Variants in GALNT11 observed in about 807,000 individuals in gnomAD.
GALNT11 encodes the protein polypeptide N-acetylgalactosaminyltransferase 11, also known as UDP-GalNAc:polypeptide N-acetylgalactosaminyltransferase 11.
GALNT11 carries 47 observed loss-of-function variants against 72.7 expected under a neutral mutation model. That is an observed-to-expected ratio of 0.65 (90% CI 0.51 to 0.82). The LOEUF (loss-of-function observed/expected upper bound fraction) is 0.82. Ranked by LOEUF, GALNT11 falls within the 40% of genes least tolerant of loss-of-function variation. GALNT11 has a pLI of 0.00. For synonymous variants in GALNT11, 270 were observed against 286.6 expected (o/e 0.94, Z 0.58); for missense variants, 677 against 778.4 (o/e 0.87, Z 1.55).
intron 1 of GALNT11, among the ~76,000 whole-genome samples, chr7:152,031,206 G>T (rs970783805): frequency 2.0e-5 from 3 of 152,218 alleles, no homozygotes; most frequent in African/African-American, 7.2e-5. Flanking sequence ...ACTAACTATG[G>T]CATAACCTGC....
In GALNT11 at chr7:152,107,838, A is replaced by G. The variant is rs755233009; in HGVS notation, c.713-200A>G. 3.8e-4 allele frequency: 216 copies of G among 565,960 alleles called. 2 individuals are homozygous for G. The highest frequency in any genetic ancestry group is 8.8e-5 in the Non-Finnish European group (28 of 318,172). 35.1% of individuals were successfully genotyped at this position (565,960 alleles called of 1,614,324 possible). A position where few individuals can be genotyped will look rare whatever the true frequency, so the allele number is the denominator to read the frequency against. Reference sequence around the variant, plus strand: ...ATGGGTCCCTCAATCACAGCAGGACACTGCACGCAGCATTACTGGCTGAGG... The same window carrying G: ...ATGGGTCCCTCAATCACAGCAGGACGCTGCACGCAGCATTACTGGCTGAGG... On this transcript the variant is annotated intron_variant, in intron 5 of 11. Transcript: ENST00000430044.
At chr7:152,042,152 C>G (rs2082892089) in intron 1 of GALNT11, among the ~76,000 whole-genome samples, 1 of 152,222 alleles carries the variant, frequency 6.6e-6, no homozygotes, top group South Asian at 2.1e-4. Flanking sequence ...GCTTAAGCTG[C>G]AGATTGTTTA....
intron 1 of GALNT11, among the ~76,000 whole-genome samples, chr7:152,073,059 A>C (rs144862606): frequency 6.6e-6 from 1 of 152,200 alleles, no homozygotes; most frequent in African/African-American, 2.4e-5. Context: ...TATGGGGTAC[A>C]TAGTGATGTT....
chr7:152,060,754 G>C (rs931713910), intron 1 of GALNT11, among the ~76,000 whole-genome samples: 2 of 151,960 alleles, frequency 1.3e-5, no homozygotes, highest in African/African-American at 4.8e-5. Flanking sequence ...GTAGTTTGCT[G>C]AGAATGATGG....
chr7:152,026,628 C>G (rs761234072), intron 1 of GALNT11, among the ~76,000 whole-genome samples: 3 of 152,252 alleles, frequency 2.0e-5, no homozygotes, highest in Non-Finnish European at 4.4e-5. Context: ...AATGCAGATT[C>G]ACTGAGCCAG....
Position 152,121,526 on chromosome 7 carries a change from TG to T in GALNT11, c.1696-19del, listed in dbSNP as rs1563087266. 6.2e-7 allele frequency: 1 copy of T among 1,602,450 alleles called. No individual in the cohort carries two copies. On this transcript the variant is annotated intron_variant, in intron 11 of 11. Coordinates refer to ENST00000430044, the MANE Select transcript of GALNT11 (RefSeq NM_022087.4). ...TTGCCAGTAATTGGCAGTATTTTTTTGTTGCTACCTTTTTTTCAGAAAAACA... is the reference window on the plus strand; with the variant it reads ...TTGCCAGTAATTGGCAGTATTTTTTTTTGCTACCTTTTTTTCAGAAAAACA...
At chr7:152,048,671 AGGC>A (rs1434157490) in intron 1 of GALNT11, among the ~76,000 whole-genome samples, 2 of 151,786 alleles carry the variant, frequency 1.3e-5, no homozygotes, top group Non-Finnish European at 2.9e-5. Flanking sequence ...CTGGGACTAC[AGGC>A]ACCCACCACC....
intron 5 of GALNT11, among the ~76,000 whole-genome samples, chr7:152,105,790 C>G (rs1180226191): frequency 9.9e-5 from 15 of 152,244 alleles, no homozygotes; most frequent in African/African-American, 3.6e-4. Flanking sequence ...GTGCATCCCT[C>G]TGGAGCCACA....
chr7:152,065,869 G>C (rs1051420168), intron 1 of GALNT11, among the ~76,000 whole-genome samples: 1 of 152,216 alleles, frequency 6.6e-6, no homozygotes, highest in Non-Finnish European at 1.5e-5. Context: ...GTGCCTCCCA[G>C]TTAGGCTACT....
intron 3 of GALNT11, 57 bp downstream of exon 3, chr7:152,100,978 A>G: frequency 6.3e-7 from 1 of 1,597,524 alleles, no homozygotes; most frequent in Non-Finnish European, 8.5e-7. Context: ...TTTTAGTGTC[A>G]GTGTAAGAGG....
intron 7 of GALNT11, among the ~76,000 whole-genome samples, chr7:152,111,345 G>A (rs751681376): frequency 9.2e-5 from 14 of 152,054 alleles, no homozygotes; most frequent in Non-Finnish European, 2.1e-4. Flanking sequence ...GTAGAGATGC[G>A]AGTCTCACTA....
At chr7:152,051,399 T>C (rs1472102966) in intron 1 of GALNT11, among the ~76,000 whole-genome samples, 1 of 152,014 alleles carries the variant, frequency 6.6e-6, no homozygotes, top group African/African-American at 2.4e-5. Flanking sequence ...TAGAAAAATA[T>C]CAAGGCCCCC....
chr7:152,042,906 C>T (rs1034759317), intron 1 of GALNT11, among the ~76,000 whole-genome samples: 13 of 152,220 alleles, frequency 8.5e-5, no homozygotes, highest in Non-Finnish European at 1.6e-4. Context: ...GAATTGGCCA[C>T]GCAGACGGCC....
chr7:152,070,140 G>T (rs2084549978), intron 1 of GALNT11, among the ~76,000 whole-genome samples: 1 of 151,826 alleles, frequency 6.6e-6, no homozygotes, highest in South Asian at 2.1e-4. Context: ...GGGACTATAG[G>T]TGCCCGCCAC....
chr7:152,087,567 T>C (rs957877207), intron 1 of GALNT11, among the ~76,000 whole-genome samples: 2 of 152,246 alleles, frequency 1.3e-5, no homozygotes, highest in Non-Finnish European at 2.9e-5. Flanking sequence ...ACCATTGATA[T>C]TATATGTTAA....
intron 11 of GALNT11, 44 bp from the exon 12 acceptor site, chr7:152,121,502 T>C (rs2089433290): frequency 1.9e-6 from 3 of 1,586,104 alleles, no homozygotes; most frequent in Non-Finnish European, 2.6e-6. Flanking sequence ...TTCCATGTTT[T>C]GCCAGTAATT....
In GALNT11 at chr7:152,105,288, C is replaced by A; in HGVS notation, c.630C>A (p.Leu210=). The change falls in exon 5 of 12, where the codon CTC becomes CTA. Residue 210 remains leucine, a synonymous_variant. Coordinates refer to ENST00000430044, the MANE Select transcript of GALNT11 (RefSeq NM_022087.4). ...GELDEYVQKY[L]PGKIKVIRNT... Reference sequence around the variant, plus strand: ...TAGATGAATATGTCCAAAAATACCTCCCTGGAAAAATTAAAGTCATAAGAA... The same window carrying A: ...TAGATGAATATGTCCAAAAATACCTACCTGGAAAAATTAAAGTCATAAGAA... 6.2e-7 allele frequency: 1 copy of A among 1,613,956 alleles called. No homozygotes were observed. The highest frequency in any genetic ancestry group is 1.3e-5 in the African/African-American group (1 of 75,052).
At chr7:152,029,956 A>G (rs2082226890) in intron 1 of GALNT11, among the ~76,000 whole-genome samples, 1 of 152,264 alleles carries the variant, frequency 6.6e-6, no homozygotes, top group African/African-American at 2.4e-5. Context: ...ACTGACAACA[A>G]GGTGGTATTG....
At position 152,110,609 on chromosome 7, in the gene GALNT11, T is replaced by C. The variant is rs773750166; in HGVS notation, c.1044T>C (p.Asp348=). The stretch of plus-strand genomic sequence containing the variant: ...TTGGACAGTATGATAGTGGCATGGA[T>C]ATCTGGGGAGGAGAAAATTTGGAAA... ...HELGQYDSGM[D]IWGGENLEIS... The change falls in exon 7 of 12, where the codon GAT becomes GAC. Residue 348 remains aspartate (D), a synonymous_variant. Transcript: ENST00000430044. 42 of 1,612,058 alleles carry C rather than the reference T, an allele frequency of 2.6e-5. 1 individual carries two copies. In the South Asian group the frequency reaches 4.7e-4, roughly 18 times the overall value.
Sources: allele counts gnomAD v4.1 joint callset (sites outside exome capture counted in the v4.1 genomes callset), GRCh38; gene constraint gnomAD v4.1.1; transcripts MANE v1.5; gene names NCBI Gene and HGNC (gene_info 2026-07-23, HGNC 2026-07-21).